ZDHHC23: variants seen among roughly 807,000 people sequenced by gnomAD.
ZDHHC23 encodes the protein palmitoyltransferase ZDHHC23.
ZDHHC23 carries 41 observed loss-of-function variants against 40.2 expected under a neutral mutation model. The observed-to-expected ratio is 1.02, with a 90% CI of 0.79 to 1.32. The LOEUF (loss-of-function observed/expected upper bound fraction) is 1.32. ZDHHC23 is among the 40% of genes most tolerant of loss of function. The pLI, the probability that ZDHHC23 is intolerant of heterozygous loss-of-function variation, is 0.00. For synonymous variants in ZDHHC23, 204 were observed against 210.2 expected (o/e 0.97, Z 0.26); for missense variants, 471 against 541.5 (o/e 0.87, Z 1.29).
the ZDHHC23 span, among the ~76,000 whole-genome samples, chr3:113,979,423 T>G: frequency 0.018 from 2,788 of 152,338 alleles, 68 homozygotes; most frequent in African/African-American, 0.062. Flanking sequence ...TGCCAATACT[T>G]TCAATTAGTG....
In ZDHHC23 at chr3:113,960,908, G is replaced by A. The variant is rs921787036; in HGVS notation, c.*2278G>A. ...GTGGGAAAAGCCTTCCCAGGCGTCTGTACCGAAAGGAGCAGCAAACAAGGG... is the reference window on the plus strand; with the variant it reads ...GTGGGAAAAGCCTTCCCAGGCGTCTATACCGAAAGGAGCAGCAAACAAGGG... On this transcript the variant is annotated 3_prime_UTR_variant, in exon 5 of 5. Coordinates refer to ENST00000638807, the MANE Select transcript of ZDHHC23 (RefSeq NM_001320466.2). 5.4e-5 allele frequency: 52 copies of A among 957,932 alleles called. No homozygotes were observed. Among genetic ancestry groups the A allele is most frequent in the Non-Finnish European group, 2.9e-5 (20 of 686,968 alleles). The allele number at this position is 957,932 out of a possible 1,614,324, so 59.3% of individuals were successfully genotyped here.
intron 1 of ZDHHC23, 128 bp downstream of exon 1, chr3:113,948,318 C>A (rs1452812436): frequency 6.4e-6 from 1 of 157,470 alleles, no homozygotes; most frequent in Non-Finnish European, 1.4e-5. Context: ...GGACCGCGAC[C>A]CCTGAGCACT....
chr3:113,967,099 C>CA (rs1559862815), downstream of ZDHHC23, among the ~76,000 whole-genome samples: 1 of 150,336 alleles, frequency 6.7e-6, no homozygotes, highest in African/African-American at 2.4e-5. Context: ...ACTCTTGTCT[C>CA]AAAAAAAGAA....
intron 2 of ZDHHC23, among the ~76,000 whole-genome samples, chr3:113,950,993 C>T (rs1938601078): frequency 6.6e-6 from 1 of 152,212 alleles, no homozygotes; most frequent in African/African-American, 2.4e-5. Flanking sequence ...ACTTGATGTC[C>T]TGCCTTCTGG....
intron 3 of ZDHHC23, among the ~76,000 whole-genome samples, chr3:113,955,279 G>A (rs1255752637): frequency 1.3e-5 from 2 of 152,124 alleles, no homozygotes; most frequent in African/African-American, 4.8e-5. Flanking sequence ...GTGCAGGGCA[G>A]CTCTTTTCTG....
downstream of ZDHHC23, among the ~76,000 whole-genome samples, chr3:113,970,236 TAACA>T (rs1181205026): frequency 6.6e-6 from 1 of 152,216 alleles, no homozygotes; most frequent in Non-Finnish European, 1.5e-5. Context: ...TTGTCAGATC[TAACA>T]GTTTTTTTTG....
At position 113,962,591 on chromosome 3, in the gene ZDHHC23, A is replaced by G. The variant is rs1318087085; in HGVS notation, c.*3961A>G. On this transcript the variant is annotated 3_prime_UTR_variant, in exon 5 of 5. Transcript: ENST00000638807. ...GGAGCCACTGACGAGATGTCACAGT[A>G]TAGAGCCTGCAGTCTCAACTCATTG... The G allele has an allele frequency of 6.6e-6, 1 of 152,232 alleles. No individual in the cohort carries two copies. The highest frequency in any genetic ancestry group is 1.5e-5 in the Non-Finnish European group (1 of 68,034). 9.4% of individuals were successfully genotyped at this position (152,232 alleles called of 1,614,324 possible). A position where few individuals can be genotyped will look rare whatever the true frequency, so the allele number is the denominator to read the frequency against.
Position 113,958,595 on chromosome 3 carries a change from C to T in ZDHHC23, c.1273C>T (p.Arg425Cys), listed in dbSNP as rs761010930. 246 of 1,604,438 alleles carry T rather than the reference C, an allele frequency of 1.5e-4. No individual in the cohort carries two copies. The highest frequency in any genetic ancestry group is 2.0e-4 in the Non-Finnish European group (235 of 1,179,538). ...GCACCAGTTCTCCACCCTGGGCACA[C>T]GTGCATTCCACCACCCTGCCGAGGA... ...NWHQFSTLGTRAFHHPAEDIV is the reference protein window; with the variant it reads ...NWHQFSTLGTCAFHHPAEDIV The change falls in exon 5 of 5, where the codon CGT becomes TGT. Residue 425 changes from arginine to cysteine, a missense_variant. Around this residue, in one of 3 missense-constraint regions of ZDHHC23, gnomAD observed 346 missense variants for 399.8 expected, o/e 0.87. Transcript: ENST00000638807.
chr3:113,953,109 A>G (rs754349537), intron 2 of ZDHHC23, among the ~76,000 whole-genome samples: 1 of 152,112 alleles, frequency 6.6e-6, no homozygotes, highest in Non-Finnish European at 1.5e-5. Context: ...TCCCTGTGGG[A>G]CTAGTCTACT....
At position 113,956,418 on chromosome 3, in the gene ZDHHC23, G is replaced by A; in HGVS notation, c.952G>A (p.Gly318Arg). The change falls in exon 4 of 5, where the codon GGG becomes AGG. Residue 318 changes from glycine to arginine, a missense_variant. By Grantham distance (125) the Gly-to-Arg change is moderately radical. Around this residue, in one of 3 missense-constraint regions of ZDHHC23, gnomAD observed 346 missense variants for 399.8 expected, o/e 0.87. Transcript: ENST00000638807. ...LLIFLLTSVY[G>R]ITLTLDTICR... ...GATCTTCTTGCTCACCTCGGTGTAT[G>A]GGATCACACTGACCTTGGACACCAT... 1.2e-6 allele frequency: 2 copies of A among 1,614,114 alleles called. No homozygotes were observed. Among genetic ancestry groups the A allele is most frequent in the Non-Finnish European group, 1.7e-6 (2 of 1,180,008 alleles).
Position 113,958,571 on chromosome 3 carries a change from C to T in ZDHHC23, c.1249C>T (p.His417Tyr). 2 of 1,609,448 alleles carry T rather than the reference C, an allele frequency of 1.2e-6. No homozygotes were observed. The highest frequency in any genetic ancestry group is 1.7e-6 in the Non-Finnish European group (2 of 1,179,942). Residue 417 changes from histidine to tyrosine, a missense_variant, in exon 5 of 5, where the codon CAC (histidine) becomes TAC (tyrosine). Coordinates refer to ENST00000638807, the MANE Select transcript of ZDHHC23 (RefSeq NM_001320466.2). ...CAATAGGGGCTTCCTGCGGAACTGG[C>T]ACCAGTTCTCCACCCTGGGCACACG... ...QYNRGFLRNW[H>Y]QFSTLGTRAF...
chr3:113,967,143 G>T (rs1940268561), downstream of ZDHHC23, among the ~76,000 whole-genome samples: 2 of 151,996 alleles, frequency 1.3e-5, no homozygotes, highest in Non-Finnish European at 2.9e-5. Context: ...CCAAGGAATG[G>T]ATTTACTTCA....
At position 113,958,840 on chromosome 3, in the gene ZDHHC23, C is replaced by T; in HGVS notation, c.*210C>T. Reference sequence around the variant, plus strand: ...TGAGGCAGTAAAAGTAGAGCCATTCCTTTCCAGTCACCTTTTTAATTGACT... The same window carrying T: ...TGAGGCAGTAAAAGTAGAGCCATTCTTTTCCAGTCACCTTTTTAATTGACT... On this transcript the variant is annotated 3_prime_UTR_variant, in exon 5 of 5. Transcript: ENST00000638807. 7.2e-7 allele frequency: 1 copy of T among 1,385,714 alleles called. No homozygotes were observed. The highest frequency in any genetic ancestry group is 9.5e-7 in the Non-Finnish European group (1 of 1,052,736). 85.8% of individuals were successfully genotyped at this position (1,385,714 alleles called of 1,614,324 possible).
intron 4 of ZDHHC23, among the ~76,000 whole-genome samples, chr3:113,956,852 ATGTGCCTATTT>A (rs1484530580): frequency 6.6e-6 from 1 of 152,252 alleles, no homozygotes; most frequent in Non-Finnish European, 1.5e-5. Flanking sequence ...CAGGGCACAT[ATGTGCCTATTT>A]TGTCATAACG....
At chr3:113,968,626 G>T (rs1300645409), downstream of ZDHHC23, among the ~76,000 whole-genome samples, 137 of 137,000 alleles carry the variant, frequency 1.0e-3, no homozygotes, top group Middle Eastern at 7.6e-3. Flanking sequence ...ATAGTTTTTT[G>T]TTTTTTTTTT....
downstream of ZDHHC23, chr3:113,965,051 G>A (rs972329988): frequency 3.7e-5 from 22 of 591,610 alleles, no homozygotes; most frequent in Admixed American, 3.8e-4. Flanking sequence ...GAAGTAGCTC[G>A]TAGAGAATAA....
In ZDHHC23 at chr3:113,961,578, G is replaced by A. The variant is rs1225095930; in HGVS notation, c.*2948G>A. ...GCCTTAAGTGTGTTTTTGGGACAAC[G>A]TGCTGCTTATTCCACCTCAGCCACA... On this transcript the variant is annotated 3_prime_UTR_variant, in exon 5 of 5. Transcript: ENST00000638807. The A allele has an allele frequency of 3.3e-5, 5 of 152,612 alleles. No individual in the cohort carries two copies. The highest frequency in any genetic ancestry group is 2.0e-4 in the Admixed American group (3 of 15,282). The allele number at this position is 152,612 out of a possible 1,614,324, so 9.5% of individuals were successfully genotyped here.
At chr3:113,963,606 T>G (rs1368296826), downstream of ZDHHC23, among the ~76,000 whole-genome samples, 1 of 142,636 alleles carries the variant, frequency 7.0e-6, no homozygotes, top group Admixed American at 7.1e-5. Flanking sequence ...AAAAGTTAGC[T>G]GGGCATGTAA....
rs375440180 is a variant in ZDHHC23, at chr3:113,953,678, T to A, written c.162-22T>A. Reference sequence around the variant, plus strand: ...CAACAAACCCACATGAAGTCCCTCCTCTTTGTGCTTTTTCTGAATAGATGG... The same window carrying A: ...CAACAAACCCACATGAAGTCCCTCCACTTTGTGCTTTTTCTGAATAGATGG... On this transcript the variant is annotated intron_variant, in intron 2 of 4. Coordinates refer to ENST00000638807, the MANE Select transcript of ZDHHC23 (RefSeq NM_001320466.2). 5 of 1,592,152 alleles carry A rather than the reference T, an allele frequency of 3.1e-6. No homozygotes were observed. The African/African-American group carries it at 5.4e-5, about 17-fold the overall frequency.
Sources: gnomAD v4.1 joint callset for allele counts (sites outside exome capture counted in the v4.1 genomes callset) on GRCh38, gnomAD v4.1.1 for gene constraint, gnomAD v4.1.1 regional missense constraint, MANE v1.5 for transcripts, NCBI Gene and HGNC (gene_info 2026-07-23, HGNC 2026-07-21) for gene names.